Variants in DOK6 observed in about 807,000 individuals in gnomAD.
DOK6 encodes downstream of tyrosine kinase 6.
A neutral mutation model predicts 44.0 loss-of-function variants in DOK6; 22 were observed. The observed-to-expected ratio is 0.50, with a 90% CI of 0.36 to 0.71. The LOEUF is 0.71. DOK6 is among the 30% of genes least tolerant of loss of function. The pLI is 0.00. For synonymous variants in DOK6, 166 were observed against 145.5 expected (o/e 1.14, Z -1.01); for missense variants, 340 against 416.4 (o/e 0.82, Z 1.60).
intron 1 of DOK6, among the ~76,000 whole-genome samples, chr18:69,441,700 A>G (rs1158880801): frequency 1.3e-5 from 2 of 152,176 alleles, no homozygotes; most frequent in East Asian, 1.9e-4. Flanking sequence ...CTTCTTTTTT[A>G]TAATATAAAT....
intron 5 of DOK6, among the ~76,000 whole-genome samples, chr18:69,706,900 T>A (rs1430612635): frequency 6.6e-6 from 1 of 151,978 alleles, no homozygotes; most frequent in Non-Finnish European, 1.5e-5. Flanking sequence ...TTCCATGGTG[T>A]ATATGTGCCA....
intron 1 of DOK6, among the ~76,000 whole-genome samples, chr18:69,526,277 C>T (rs1052512585): frequency 1.3e-5 from 2 of 152,058 alleles, no homozygotes; most frequent in Non-Finnish European, 2.9e-5. Flanking sequence ...CCACTGGTTA[C>T]TGGTTTCTGT....
intron 1 of DOK6, among the ~76,000 whole-genome samples, chr18:69,499,198 T>G (rs965971582): frequency 3.3e-5 from 5 of 152,008 alleles, no homozygotes; most frequent in African/African-American, 1.2e-4. Context: ...TGCTTAAGGG[T>G]ATATATATAC....
chr18:69,705,150 A>T (rs916456549), intron 5 of DOK6: 1 of 152,238 alleles, frequency 6.6e-6, no homozygotes, highest in Non-Finnish European at 1.5e-5. Flanking sequence ...GGACGTTGGG[A>T]AAATGTTCTC....
At chr18:69,635,285 T>TTC (rs1483183990) in intron 3 of DOK6, among the ~76,000 whole-genome samples, 2 of 152,168 alleles carry the variant, frequency 1.3e-5, no homozygotes, top group Non-Finnish European at 1.5e-5. Flanking sequence ...TCTCTTTTTT[T>TTC]CTCCTCATAT....
chr18:69,768,278 C>A (rs1008426877), intron 7 of DOK6, among the ~76,000 whole-genome samples: 4 of 151,968 alleles, frequency 2.6e-5, no homozygotes, highest in Admixed American at 2.6e-4. Context: ...GATTTTAACA[C>A]AAATGGATGC....
intron 4 of DOK6, among the ~76,000 whole-genome samples, chr18:69,692,651 C>A (rs1422570625): frequency 1.3e-5 from 2 of 152,154 alleles, no homozygotes; most frequent in Non-Finnish European, 2.9e-5. Flanking sequence ...TGAAATTCTC[C>A]TATTTAGAGT....
At chr18:69,831,277 C>G (rs2145132647) in intron 7 of DOK6, 1 of 152,360 alleles carries the variant, frequency 6.6e-6, no homozygotes, top group Middle Eastern at 3.4e-3. Context: ...TCTTTCTGTT[C>G]TATCCAAATG....
chr18:69,412,854 C>A (rs1978312247), intron 1 of DOK6, among the ~76,000 whole-genome samples: 1 of 152,056 alleles, frequency 6.6e-6, no homozygotes, highest in Non-Finnish European at 1.5e-5. Context: ...AGAACATGAG[C>A]TGGCTTTTAC....
chr18:69,404,946 C>T (rs371403552), intron 1 of DOK6, among the ~76,000 whole-genome samples: 59 of 152,176 alleles, frequency 3.9e-4, no homozygotes, highest in Middle Eastern at 3.4e-3. Flanking sequence ...ATAAAGAACC[C>T]CTGCATCATT....
At position 69,402,317 on chromosome 18, in the gene DOK6, G is replaced by A. The variant is rs1269450178; in HGVS notation, c.66+1007G>A. ...CAGTTCTACCAAGCTCCTGCCTCCC[G>A]GGGCAAAGGGTCCTTGAGCTAGAAC... On this transcript the variant is annotated intron_variant, in intron 1 of 7. Transcript: ENST00000382713. Among the ~76,000 whole-genome samples, 29 of 152,170 alleles carry A rather than the reference G, an allele frequency of 1.9e-4. 1 individual carries two copies. The highest frequency in any genetic ancestry group is 1.8e-3 in the Admixed American group (27 of 15,272).
rs189221130 is a variant in DOK6, at chr18:69,537,065, G to A, written c.67-27422G>A. Among the ~76,000 whole-genome samples, 94 of 151,214 alleles carry A rather than the reference G, an allele frequency of 6.2e-4. 2 individuals are homozygous for A. The highest frequency in any genetic ancestry group is 2.0e-3 in the Admixed American group (30 of 15,172). Reference sequence around the variant, plus strand: ...TGACCGGGTCGGTCTGAAACTCCTGGCCTCAAGCAGTCCTCCCACCTCAGC... The same window carrying A: ...TGACCGGGTCGGTCTGAAACTCCTGACCTCAAGCAGTCCTCCCACCTCAGC... On this transcript the variant is annotated intron_variant, in intron 1 of 7. Transcript: ENST00000382713.
chr18:69,615,995 G>A (rs1984275425), intron 3 of DOK6, among the ~76,000 whole-genome samples: 2 of 152,308 alleles, frequency 1.3e-5, no homozygotes, highest in African/African-American at 4.8e-5. Context: ...TTCCCAGTGG[G>A]AGAAAAACAT....
chr18:69,436,868 G>C (rs1004697270), intron 1 of DOK6, among the ~76,000 whole-genome samples: 1 of 152,192 alleles, frequency 6.6e-6, no homozygotes, highest in Admixed American at 6.6e-5. Flanking sequence ...ATTGTGAAAT[G>C]GTATCTCATT....
intron 1 of DOK6, among the ~76,000 whole-genome samples, chr18:69,555,871 T>C (rs1982674625): frequency 6.6e-6 from 1 of 152,218 alleles, no homozygotes; most frequent in South Asian, 2.1e-4. Context: ...TGTTAGCAGA[T>C]ACTGACATTT....
At chr18:69,645,903 T>C (rs1255208693) in intron 3 of DOK6, among the ~76,000 whole-genome samples, 1 of 152,198 alleles carries the variant, frequency 6.6e-6, no homozygotes, top group Non-Finnish European at 1.5e-5. Flanking sequence ...AATTCTTTTG[T>C]CGATTCTTCT....
chr18:69,561,883 C>T (rs1982841720), intron 1 of DOK6, among the ~76,000 whole-genome samples: 1 of 152,088 alleles, frequency 6.6e-6, no homozygotes, highest in Non-Finnish European at 1.5e-5. Context: ...AAGCAATGCA[C>T]ACTTCAAAGG....
intron 7 of DOK6, among the ~76,000 whole-genome samples, chr18:69,758,776 T>C (rs148566640): frequency 6.6e-6 from 1 of 152,360 alleles, no homozygotes; most frequent in Admixed American, 6.5e-5. Context: ...TGACCAAGTA[T>C]GACCCTCTGG....
At chr18:69,483,031 T>A (rs1980473805) in intron 1 of DOK6, among the ~76,000 whole-genome samples, 1 of 151,882 alleles carries the variant, frequency 6.6e-6, no homozygotes, top group South Asian at 2.1e-4. Flanking sequence ...TCTGATACTC[T>A]CCCTCCTCCT....
Sources: allele counts gnomAD v4.1 joint callset (sites outside exome capture counted in the v4.1 genomes callset), GRCh38; gene constraint gnomAD v4.1.1; transcripts MANE v1.5; gene names NCBI Gene and HGNC (gene_info 2026-07-23, HGNC 2026-07-21).